Variants in ZMYM4 observed in about 807,000 individuals in gnomAD.
ZMYM4 encodes zinc finger MYM-type containing 4, also known as zinc finger MYM-type protein 4.
Under a neutral mutation model 183.2 loss-of-function variants are expected in ZMYM4, and 31 were observed. The ratio of observed to expected loss-of-function variants is 0.17; its 90% CI spans 0.13 to 0.23. The LOEUF (loss-of-function observed/expected upper bound fraction) is 0.23. Ranked by LOEUF, ZMYM4 falls within the 10% of genes least tolerant of loss-of-function variation. The pLI is 1.00. For missense variants in ZMYM4, 1,273 were observed against 1,840.3 expected (o/e 0.69, Z 5.64); for synonymous variants, 592 against 631.2 (o/e 0.94, Z 0.93).
intron 22 of ZMYM4, among the ~76,000 whole-genome samples, chr1:35,399,250 AT>A (rs917323497): frequency 1.6e-4 from 24 of 152,082 alleles, no homozygotes; most frequent in Middle Eastern, 6.8e-3. Flanking sequence ...TGTGGTTAAA[AT>A]TTTTTTTAAC....
chr1:35,272,491 AG>A (rs1639664222), intron 1 of ZMYM4, among the ~76,000 whole-genome samples: 1 of 152,222 alleles, frequency 6.6e-6, no homozygotes, highest in South Asian at 2.1e-4. Context: ...TCTACACAGT[AG>A]GAACTCAAAA....
chr1:35,383,118 C>T (rs190158164), intron 9 of ZMYM4, among the ~76,000 whole-genome samples: 2 of 152,158 alleles, frequency 1.3e-5, no homozygotes, highest in Admixed American at 1.3e-4. Flanking sequence ...TGGATGAACT[C>T]TATAACAAAT....
At chr1:35,348,766 T>C (rs958413399) in intron 2 of ZMYM4, among the ~76,000 whole-genome samples, 1 of 152,264 alleles carries the variant, frequency 6.6e-6, no homozygotes, top group Non-Finnish European at 1.5e-5. Context: ...TCCCAAACTT[T>C]ATTAATACTT....
At chr1:35,379,444 T>A (rs1167896724) in intron 7 of ZMYM4, among the ~76,000 whole-genome samples, 1 of 152,142 alleles carries the variant, frequency 6.6e-6, no homozygotes, top group African/African-American at 2.4e-5. Flanking sequence ...CCATGTTGGC[T>A]AGACTCGTCT....
chr1:35,396,513 C>A (rs374196602), intron 18 of ZMYM4, 39 bp from the exon 19 acceptor site: 92 of 1,607,666 alleles, frequency 5.7e-5, no homozygotes, highest in Middle Eastern at 5.0e-4. Flanking sequence ...CATTTCTAAC[C>A]CTCTTTGCTT....
chr1:35,288,154 G>T (rs488676), intron 1 of ZMYM4, among the ~76,000 whole-genome samples: 38,578 of 152,088 alleles, frequency 0.25, 10,237 homozygotes, highest in East Asian at 0.77. Context: ...CATTTTTGAT[G>T]TTCTACTGCC....
chr1:35,314,753 G>A (rs541844457), intron 1 of ZMYM4, among the ~76,000 whole-genome samples: 1 of 136,858 alleles, frequency 7.3e-6, no homozygotes, highest in East Asian at 2.1e-4. Context: ...TTGGCTGGGC[G>A]CAGTGGCTCA....
At chr1:35,278,813 G>A (rs1292899384) in intron 1 of ZMYM4, among the ~76,000 whole-genome samples, 1 of 152,184 alleles carries the variant, frequency 6.6e-6, no homozygotes, top group Non-Finnish European at 1.5e-5. Context: ...TTAGGTAAGA[G>A]TATGGACTCG....
At chr1:35,377,234 G>T (rs1644355044) in intron 7 of ZMYM4, among the ~76,000 whole-genome samples, 1 of 152,118 alleles carries the variant, frequency 6.6e-6, no homozygotes, top group South Asian at 2.1e-4. Context: ...TTGACTAAGG[G>T]TTTCGTTAAT....
chr1:35,271,673 G>T (rs1337914542), intron 1 of ZMYM4, among the ~76,000 whole-genome samples: 1 of 152,194 alleles, frequency 6.6e-6, no homozygotes, highest in East Asian at 1.9e-4. Context: ...AAAGTGCTGG[G>T]ATTACAGGTG....
chr1:35,413,645 A>G (rs944812198), intron 26 of ZMYM4, among the ~76,000 whole-genome samples: 1 of 152,230 alleles, frequency 6.6e-6, no homozygotes, highest in Non-Finnish European at 1.5e-5. Context: ...GAACGTGTGC[A>G]TTGGAACCAA....
intron 1 of ZMYM4, among the ~76,000 whole-genome samples, chr1:35,279,640 T>C (rs1465452393): frequency 6.6e-6 from 1 of 152,234 alleles, no homozygotes; most frequent in Non-Finnish European, 1.5e-5. Flanking sequence ...TTCTTGTATT[T>C]TACTATAAAT....
At chr1:35,290,030 C>T (rs1183505842) in intron 1 of ZMYM4, among the ~76,000 whole-genome samples, 1 of 151,916 alleles carries the variant, frequency 6.6e-6, no homozygotes, top group Non-Finnish European at 1.5e-5. Flanking sequence ...TGCGGTGGTG[C>T]GATCTCAACT....
chr1:35,415,386 C>G (rs1317236637), intron 27 of ZMYM4, 80 bp from the exon 28 acceptor site: 4 of 1,557,424 alleles, frequency 2.6e-6, no homozygotes, highest in Middle Eastern at 1.7e-4. Context: ...TTATATCTCC[C>G]TGTCTTAGAA....
chr1:35,367,024 C>CA (rs1213113614), intron 5 of ZMYM4, among the ~76,000 whole-genome samples: 16,038 of 82,614 alleles, frequency 0.19, 1,875 homozygotes, highest in East Asian at 0.5. Flanking sequence ...AACTCCATCT[C>CA]AAAAAAAAAA....
chr1:35,330,362 T>C (rs1473596459), intron 2 of ZMYM4, among the ~76,000 whole-genome samples: 3 of 152,206 alleles, frequency 2.0e-5, no homozygotes, highest in African/African-American at 4.8e-5. Context: ...CTTCCAGCTA[T>C]CTGGATTTTA....
chr1:35,385,530 C>T lies in ZMYM4; in HGVS notation c.1658C>T (p.Thr553Ile). 1.9e-6 allele frequency: 3 copies of T among 1,613,200 alleles called. No homozygotes were observed. Among genetic ancestry groups the T allele is most frequent in the Non-Finnish European group, 2.5e-6 (3 of 1,179,736 alleles). Residue 553 changes from threonine (T) to isoleucine (I), a missense_variant, in exon 10 of 30, where the codon ACA becomes ATA. Physicochemically the swap from Thr to Ile is moderately conservative, Grantham distance 89 (BLOSUM62 -1). Transcript: ENST00000314607. ...MIENTNSLGK[T>I]ELFCSVNCLS... Reference sequence around the variant, plus strand: ...GAAAATACCAATAGCTTGGGGAAGACAGAGCTTTTCTGTTCTGTTAATTGC... The same window carrying T: ...GAAAATACCAATAGCTTGGGGAAGATAGAGCTTTTCTGTTCTGTTAATTGC...
chr1:35,337,515 G>A (rs537407584), intron 2 of ZMYM4, among the ~76,000 whole-genome samples: 14 of 152,260 alleles, frequency 9.2e-5, no homozygotes, highest in Admixed American at 8.5e-4. Flanking sequence ...AGTATAAGAT[G>A]TGTTTCTTAT....
chr1:35,287,883 C>T (rs973768920), intron 1 of ZMYM4, among the ~76,000 whole-genome samples: 8 of 152,148 alleles, frequency 5.3e-5, no homozygotes, highest in South Asian at 2.1e-4. Flanking sequence ...GGATTACAGA[C>T]GTGAGCCCCC....
Sources: gnomAD v4.1 joint callset for allele counts (sites outside exome capture counted in the v4.1 genomes callset) on GRCh38, gnomAD v4.1.1 for gene constraint, MANE v1.5 for transcripts, NCBI Gene and HGNC (gene_info 2026-07-23, HGNC 2026-07-21) for gene names.